Variants in CAMK1D observed in about 807,000 individuals in gnomAD.
The protein encoded by CAMK1D is calcium/calmodulin dependent protein kinase ID, also known as calcium/calmodulin-dependent protein kinase type 1D.
A neutral mutation model predicts 47.7 loss-of-function variants in CAMK1D; 9 were observed. The ratio of observed to expected loss-of-function variants is 0.19; its 90% CI spans 0.11 to 0.33. The LOEUF (loss-of-function observed/expected upper bound fraction) is 0.33, where lower values mean the gene tolerates loss of function less well. Among genes scored for constraint, CAMK1D ranks in the 10% least tolerant of loss-of-function variants. The pLI, the probability that CAMK1D is intolerant of heterozygous loss-of-function variation, is 1.00. For missense variants in CAMK1D, 291 were observed against 488.7 expected (o/e 0.60, Z 3.81); for synonymous variants, 184 against 184.9 (o/e 0.99, Z 0.04).
intron 1 of CAMK1D, among the ~76,000 whole-genome samples, chr10:12,539,276 G>A (rs1324283920): frequency 6.6e-6 from 1 of 152,168 alleles, no homozygotes; most frequent in Non-Finnish European, 1.5e-5. Context: ...ATAGCTTGAA[G>A]CATACTTAAA....
intron 1 of CAMK1D, among the ~76,000 whole-genome samples, chr10:12,550,297 A>T (rs1836535677): frequency 6.6e-6 from 1 of 152,198 alleles, no homozygotes; most frequent in South Asian, 2.1e-4. Flanking sequence ...TCTGGTATAA[A>T]ACCACCCATG....
At chr10:12,750,673 G>A (rs1181538219) in intron 3 of CAMK1D, among the ~76,000 whole-genome samples, 1 of 148,780 alleles carries the variant, frequency 6.7e-6, no homozygotes, top group Non-Finnish European at 1.5e-5. Flanking sequence ...AGTCAAGAAT[G>A]AATGAATGAA....
chr10:12,491,207 C>A (rs944991728), intron 1 of CAMK1D, among the ~76,000 whole-genome samples: 1 of 151,756 alleles, frequency 6.6e-6, no homozygotes, highest in African/African-American at 2.4e-5. Context: ...GAAGACAGAA[C>A]CTCAGGCTTT....
intron 1 of CAMK1D, among the ~76,000 whole-genome samples, chr10:12,454,193 C>T (rs757506136): frequency 1.6e-4 from 24 of 152,284 alleles, no homozygotes; most frequent in Non-Finnish European, 2.8e-4. Flanking sequence ...GATGGAGTCT[C>T]GCTCTGTCAC....
At chr10:12,562,148 C>A (rs1836964573) in intron 2 of CAMK1D, among the ~76,000 whole-genome samples, 1 of 152,150 alleles carries the variant, frequency 6.6e-6, no homozygotes, top group African/African-American at 2.4e-5. Flanking sequence ...CGGGTGGCTG[C>A]CTCTGGTGAG....
chr10:12,599,333 G>C (rs1388968565), intron 2 of CAMK1D, among the ~76,000 whole-genome samples: 2 of 152,160 alleles, frequency 1.3e-5, no homozygotes, highest in South Asian at 2.1e-4. Context: ...ATGCAGCTGC[G>C]TTGTAGGTTC....
chr10:12,389,029 G>A (rs965675330), intron 1 of CAMK1D, among the ~76,000 whole-genome samples: 5 of 152,224 alleles, frequency 3.3e-5, no homozygotes, highest in African/African-American at 1.2e-4. Context: ...ATACTCCATG[G>A]AAGGTCCTTC....
chr10:12,406,868 C>G (rs998979989), intron 1 of CAMK1D, among the ~76,000 whole-genome samples: 1 of 151,938 alleles, frequency 6.6e-6, no homozygotes, highest in African/African-American at 2.4e-5. Context: ...AGCTCTTTCC[C>G]TTACAGTACA....
At chr10:12,641,319 T>C (rs78326556) in intron 2 of CAMK1D, among the ~76,000 whole-genome samples, 43,075 of 152,070 alleles carry the variant, frequency 0.28, 6,408 homozygotes, top group African/African-American at 0.29. Flanking sequence ...AATTAGTGAA[T>C]GTTTAAAATA....
intron 1 of CAMK1D, among the ~76,000 whole-genome samples, chr10:12,489,918 C>A (rs1048787517): frequency 6.6e-6 from 1 of 152,138 alleles, no homozygotes; most frequent in Admixed American, 6.5e-5. Context: ...GTCTGCATTC[C>A]GGCATTCAGC....
At chr10:12,771,456 T>G (rs1837034488) in intron 5 of CAMK1D, among the ~76,000 whole-genome samples, 1 of 152,238 alleles carries the variant, frequency 6.6e-6, no homozygotes, top group South Asian at 2.1e-4. Flanking sequence ...CTTTGTGGCC[T>G]TTCAGGTCCT....
intron 3 of CAMK1D, among the ~76,000 whole-genome samples, chr10:12,752,613 C>T (rs891129445): frequency 4.5e-4 from 68 of 152,280 alleles, no homozygotes; most frequent in African/African-American, 1.5e-3. Flanking sequence ...TATACATACA[C>T]ATAATAAACT....
At chr10:12,466,884 G>A (rs370731541) in intron 1 of CAMK1D, among the ~76,000 whole-genome samples, 89 of 152,182 alleles carry the variant, frequency 5.8e-4, no homozygotes, top group African/African-American at 2.1e-3. Flanking sequence ...AATGAAGCAG[G>A]ATGTTTCAGG....
chr10:12,710,946 C>T (rs1490831394), intron 3 of CAMK1D, among the ~76,000 whole-genome samples: 1 of 152,176 alleles, frequency 6.6e-6, no homozygotes, highest in Non-Finnish European at 1.5e-5. Flanking sequence ...AGACTATATA[C>T]CATGGATCTT....
intron 3 of CAMK1D, among the ~76,000 whole-genome samples, chr10:12,684,544 C>T (rs1832579494): frequency 6.6e-6 from 1 of 152,056 alleles, no homozygotes; most frequent in African/African-American, 2.4e-5. Flanking sequence ...AATTCATGAT[C>T]TAAATACTAA....
chr10:12,392,384 CCT>C (rs1272267713), intron 1 of CAMK1D, among the ~76,000 whole-genome samples: 1 of 152,032 alleles, frequency 6.6e-6, no homozygotes, highest in Non-Finnish European at 1.5e-5. Flanking sequence ...CCCCCCAGCC[CCT>C]GACACCTACC....
At chr10:12,572,981 T>C (rs1224604974) in intron 2 of CAMK1D, among the ~76,000 whole-genome samples, 1 of 152,210 alleles carries the variant, frequency 6.6e-6, no homozygotes, top group East Asian at 1.9e-4. Flanking sequence ...TCAGCAGAGC[T>C]CTGCGAGTCA....
In CAMK1D at chr10:12,753,493, A is replaced by G. The variant is rs74118569; in HGVS notation, c.300-7455A>G. On this transcript the variant is annotated intron_variant, in intron 3 of 10. Transcript: ENST00000619168. ...AGTCCTCATTAGACTAAAAGTTTAT[A>G]GAGAGATATCTAATTAATGCAGAAG... 7.5e-3 allele frequency among the ~76,000 whole-genome samples: 1,141 copies of G among 152,336 alleles called. 18 individuals are homozygous for G. The highest frequency in any genetic ancestry group is 0.026 in the African/African-American group (1,086 of 41,580).
intron 1 of CAMK1D, among the ~76,000 whole-genome samples, chr10:12,459,865 G>A (rs1221191912): frequency 6.6e-6 from 1 of 152,176 alleles, no homozygotes; most frequent in Admixed American, 6.5e-5. Flanking sequence ...GGGAAAGGCG[G>A]TGTTATTGCT....
Sources: gnomAD v4.1 joint callset for allele counts (sites outside exome capture counted in the v4.1 genomes callset) on GRCh38, gnomAD v4.1.1 for gene constraint, MANE v1.5 for transcripts, NCBI Gene and HGNC (gene_info 2026-07-23, HGNC 2026-07-21) for gene names.